BLM: variants seen among roughly 807,000 people sequenced by gnomAD.
The protein encoded by BLM is recQ-like DNA helicase BLM.
BLM carries 95 observed loss-of-function variants against 135.3 expected under a neutral mutation model. The ratio of observed to expected loss-of-function variants is 0.70; its 90% CI spans 0.59 to 0.83. The LOEUF is 0.83. BLM is among the 40% of genes least tolerant of loss of function. BLM has a pLI of 0.00. For missense variants in BLM, 1,518 were observed against 1,663.9 expected, an observed-to-expected ratio of 0.91 and a Z score of 1.53; for synonymous variants, 520 against 589.2, an observed-to-expected ratio of 0.88 and a Z score of 1.70.
intron 12 of BLM, among the ~76,000 whole-genome samples, chr15:90,781,144 C>T (rs1447939080): frequency 6.6e-6 from 1 of 152,158 alleles, no homozygotes; most frequent in Non-Finnish European, 1.5e-5. Context: ...AGAGGAGGAG[C>T]ACATCTGTCT....
At chr15:90,802,322 A>AATTTT (rs1456456004) in intron 17 of BLM, among the ~76,000 whole-genome samples, 1 of 152,236 alleles carries the variant, frequency 6.6e-6, no homozygotes, top group African/African-American at 2.4e-5. Flanking sequence ...GATTTTTATA[A>AATTTT]ATGTCACAAG....
intron 10 of BLM, among the ~76,000 whole-genome samples, chr15:90,767,870 TGATA>T (rs954945310): frequency 3.9e-5 from 6 of 152,168 alleles, no homozygotes; most frequent in African/African-American, 1.4e-4. Flanking sequence ...GTTATTACTA[TGATA>T]GATATAAAAT....
chr15:90,795,839 G>A (rs1409164756), intron 16 of BLM, among the ~76,000 whole-genome samples: 1 of 152,220 alleles, frequency 6.6e-6, no homozygotes, highest in Non-Finnish European at 1.5e-5. Context: ...AGGAGGAATG[G>A]GTAGAGTGCA....
At chr15:90,813,550 C>A (rs567253674) in intron 21 of BLM, among the ~76,000 whole-genome samples, 1 of 152,226 alleles carries the variant, frequency 6.6e-6, no homozygotes, top group African/African-American at 2.4e-5. Flanking sequence ...CACGCCACCA[C>A]GCTGGGCTAA....
chr15:90,758,384 G>A (rs1895875704), intron 5 of BLM, among the ~76,000 whole-genome samples: 2 of 152,206 alleles, frequency 1.3e-5, no homozygotes, highest in South Asian at 2.1e-4. Flanking sequence ...GCACTCAGGA[G>A]GCTGAGGCAG....
chr15:90,800,203 A>G (rs1897131269), intron 17 of BLM, among the ~76,000 whole-genome samples: 1 of 152,238 alleles, frequency 6.6e-6, no homozygotes, highest in East Asian at 1.9e-4. Context: ...AGCTCTGGAA[A>G]GAAAACAGGA....
At chr15:90,786,006 T>TC (rs1896739467) in intron 14 of BLM, among the ~76,000 whole-genome samples, 1 of 142,532 alleles carries the variant, frequency 7.0e-6, no homozygotes, top group East Asian at 1.9e-4. Context: ...TTCTTTTTTT[T>TC]TTTTTTTTTT....
Position 90,803,697 on chromosome 15 carries a change from A to G in BLM, c.3535A>G (p.Thr1179Ala), listed in dbSNP as rs1344786638. Residue 1179 changes from threonine to alanine, a missense_variant, in exon 18 of 22, where the codon ACT (threonine) becomes GCT (alanine). Transcript: ENST00000355112. ...TGTGATGCTCGGAAATAAAGCCCAA[A>G]CTGTACTAAATGGCAATTTAAAGGT... ...AYVMLGNKAQ[T>A]VLNGNLKVDF... The G allele has an allele frequency of 1.2e-6, 2 of 1,614,126 alleles. No individual in the cohort carries two copies. The highest frequency in any genetic ancestry group is 1.7e-6 in the Non-Finnish European group (2 of 1,180,008).
At chr15:90,747,526 C>A in intron 2 of BLM, 36 bp downstream of exon 2, 1 of 1,302,352 alleles carries the variant, frequency 7.7e-7, no homozygotes, top group Non-Finnish European at 1.1e-6. Flanking sequence ...CACATAGGCA[C>A]TAACTTACCA....
At chr15:90,736,603 G>C (rs558744822) in intron 1 of BLM, among the ~76,000 whole-genome samples, 1 of 152,214 alleles carries the variant, frequency 6.6e-6, no homozygotes, top group East Asian at 1.9e-4. Context: ...AAAGTTATTT[G>C]TTGCAGCATT....
At position 90,751,923 on chromosome 15, in the gene BLM, T is replaced by A. The variant is rs764067671; in HGVS notation, c.936T>A (p.Ser312=). Residue 312 remains serine (S), a synonymous_variant, in exon 4 of 22, where the codon TCT becomes TCA. Coordinates refer to ENST00000355112, the MANE Select transcript of BLM (RefSeq NM_000057.4). Reference sequence around the variant, plus strand: ...CTCCAGAAGAAATTATTTCTGCTTCTTCTTCCTCTTCAAAATGCCTTAGGT... The same window carrying A: ...CTCCAGAAGAAATTATTTCTGCTTCATCTTCCTCTTCAAAATGCCTTAGGT... ...PPSPEEIISA[S]SSSSKCLSTL... 4 of 1,612,576 alleles carry A rather than the reference T, an allele frequency of 2.5e-6. 1 individual carries two copies. The South Asian group carries it at 4.4e-5, about 18-fold the overall frequency.
Position 90,782,909 on chromosome 15 carries a change from G to C in BLM, c.2643G>C (p.Trp881Cys), listed in dbSNP as rs367543039. ...PKKVAFDCLEWIRKHHPYDSG... is the reference protein window; with the variant it reads ...PKKVAFDCLECIRKHHPYDSG... ...AGGTGGCATTTGATTGCCTAGAATG[G>C]ATCAGAAAGCACCACCCATGTGAGT... The change falls in exon 13 of 22, where the codon TGG (tryptophan) becomes TGC (cysteine). Residue 881 changes from tryptophan to cysteine, a missense_variant. By Grantham distance (215) the Trp-to-Cys change is radical (BLOSUM62 -2). This residue lies in a region of BLM where 626 missense variants were observed against 681.1 expected (regional missense o/e 0.92). Transcript: ENST00000355112. The C allele has an allele frequency of 5.0e-6, 8 of 1,612,586 alleles. No homozygotes were observed. Among genetic ancestry groups the C allele is most frequent in the Non-Finnish European group, 6.8e-6 (8 of 1,178,614 alleles).
Position 90,796,455 on chromosome 15 carries a change from C to T in BLM, c.3211-1735C>T, listed in dbSNP as rs200729299. Among the ~76,000 whole-genome samples, 8 of 152,312 alleles carry T rather than the reference C, an allele frequency of 5.3e-5. No homozygotes were observed. In the East Asian group the frequency reaches 5.8e-4, roughly 11 times the overall value. Reference sequence around the variant, plus strand: ...TTCGCAGCCATAGTCTCTGTCACAACGACTCACAGCTTTGCCATTGTAGTC... The same window carrying T: ...TTCGCAGCCATAGTCTCTGTCACAATGACTCACAGCTTTGCCATTGTAGTC... On this transcript the variant is annotated intron_variant, in intron 16 of 21. Coordinates refer to ENST00000355112, the MANE Select transcript of BLM (RefSeq NM_000057.4).
chr15:90,811,127 G>A, intron 20 of BLM, 78 bp from the exon 21 acceptor site: 1 of 1,477,052 alleles, frequency 6.8e-7, no homozygotes, highest in South Asian at 1.1e-5. Context: ...GGCCCCTGCA[G>A]CGTGTCTCTT....
intron 12 of BLM, among the ~76,000 whole-genome samples, chr15:90,770,372 G>T (rs1034564479): frequency 1.3e-5 from 2 of 151,982 alleles, no homozygotes; most frequent in Admixed American, 6.6e-5. Context: ...GAGACGGGGT[G>T]TCACTGTCTT....
chr15:90,794,717 TAATAC>T (rs1896989529), intron 16 of BLM, among the ~76,000 whole-genome samples: 1 of 148,970 alleles, frequency 6.7e-6, no homozygotes, highest in Non-Finnish European at 1.5e-5. Flanking sequence ...GTTATTAATA[TAATAC>T]ATTATATTAA....
In BLM at chr15:90,733,940, G is replaced by A. The variant is rs1048977649; in HGVS notation, c.-4-13449G>A. On this transcript the variant is annotated intron_variant, in intron 1 of 21. Coordinates refer to ENST00000355112, the MANE Select transcript of BLM (RefSeq NM_000057.4). ...TTACACAGCATAATTATTTTATATC[G>A]GTTTTTATGAAGCAAGTATAAAACA... Among the ~76,000 whole-genome samples the A allele has an allele frequency of 1.3e-4, 20 of 151,808 alleles. 1 individual carries two copies. Among genetic ancestry groups the A allele is most frequent in the African/African-American group, 4.8e-4 (20 of 41,398 alleles).
At chr15:90,811,068 A>G (rs372310458) in intron 20 of BLM, 137 bp from the exon 21 acceptor site, 4 of 859,226 alleles carry the variant, frequency 4.7e-6, no homozygotes, top group Admixed American at 2.0e-5. Flanking sequence ...GTTCTTGCTG[A>G]ATTGTTGAAT....
rs1263627625 is a variant in BLM at position 90,751,963 on chromosome 15, A to G, written c.959+17A>G. The G allele has an allele frequency of 3.2e-6, 5 of 1,575,250 alleles. No homozygotes were observed. In the Admixed American group the frequency reaches 6.7e-5, roughly 21 times the overall value. On this transcript the variant is annotated intron_variant, in intron 4 of 21. Transcript: ENST00000355112. ...ATGCCTTAGGTAAACTAGCTAAATA[A>G]TTAGCATTATTATTTGTTTCTGGGA...
Sources: gnomAD v4.1 joint callset for allele counts (sites outside exome capture counted in the v4.1 genomes callset) on GRCh38, gnomAD v4.1.1 for gene constraint, gnomAD v4.1.1 regional missense constraint, MANE v1.5 for transcripts, NCBI Gene and HGNC (gene_info 2026-07-23, HGNC 2026-07-21) for gene names.